Variants in NKAIN2 observed in about 807,000 individuals in gnomAD.
The protein encoded by NKAIN2 is sodium/potassium-transporting ATPase subunit beta-1-interacting protein 2.
A neutral mutation model predicts 32.6 loss-of-function variants in NKAIN2; 14 were observed. That is an observed-to-expected ratio of 0.43 (90% CI 0.28 to 0.67). The LOEUF (loss-of-function observed/expected upper bound fraction) is 0.67, where lower values mean the gene tolerates loss of function less well. NKAIN2 is among the 30% of genes least tolerant of loss of function. The probability of loss-of-function intolerance (pLI) is 0.17; values close to 1 mark genes in which losing one functional copy is unlikely to be tolerated. For missense variants in NKAIN2, 198 were observed against 258.3 expected (o/e 0.77, Z 1.60); for synonymous variants, 80 against 87.2 (o/e 0.92, Z 0.46).
chr6:123,912,389 A>G (rs895878145), intron 1 of NKAIN2, among the ~76,000 whole-genome samples: 1 of 152,186 alleles, frequency 6.6e-6, no homozygotes, highest in Non-Finnish European at 1.5e-5. Flanking sequence ...TAGCATTTAA[A>G]TCTGAGTCCA....
intron 3 of NKAIN2, among the ~76,000 whole-genome samples, chr6:124,594,571 T>C (rs895570506): frequency 4.6e-5 from 7 of 152,202 alleles, no homozygotes; most frequent in African/African-American, 1.7e-4. Flanking sequence ...AGTTGATTCC[T>C]GACTTACAGG....
intron 3 of NKAIN2, among the ~76,000 whole-genome samples, chr6:124,605,579 G>A (rs1782467750): frequency 6.6e-6 from 1 of 151,996 alleles, no homozygotes; most frequent in Non-Finnish European, 1.5e-5. Flanking sequence ...ATTAACAGAA[G>A]ATGGAATACA....
At chr6:124,561,421 T>C (rs1780686780) in intron 3 of NKAIN2, among the ~76,000 whole-genome samples, 1 of 152,158 alleles carries the variant, frequency 6.6e-6, no homozygotes, top group Admixed American at 6.5e-5. Flanking sequence ...TGAAGTGTCA[T>C]AGCATTTGAT....
chr6:124,374,615 C>T (rs142016794), intron 3 of NKAIN2, among the ~76,000 whole-genome samples: 1,765 of 152,150 alleles, frequency 0.012, 38 homozygotes, highest in African/African-American at 0.039. Flanking sequence ...TGGTTTCTTA[C>T]GCAACAAAGT....
intron 1 of NKAIN2, among the ~76,000 whole-genome samples, chr6:123,938,635 T>G (rs1334155229): frequency 1.4e-5 from 2 of 140,442 alleles, no homozygotes; most frequent in Non-Finnish European, 3.0e-5. Flanking sequence ...TTTTATATAT[T>G]ATATATAATT....
intron 3 of NKAIN2, among the ~76,000 whole-genome samples, chr6:124,525,062 G>T (rs539578134): frequency 6.6e-6 from 1 of 152,118 alleles, no homozygotes; most frequent in Non-Finnish European, 1.5e-5. Context: ...AAAAAGCCAA[G>T]CTTCTTTTTA....
chr6:124,228,382 C>T (rs1792233984), intron 1 of NKAIN2, among the ~76,000 whole-genome samples: 1 of 152,140 alleles, frequency 6.6e-6, no homozygotes, highest in South Asian at 2.1e-4. Context: ...CCTGGCCAGG[C>T]TGGCACCCTG....
chr6:124,632,979 T>C (rs547868325), intron 3 of NKAIN2, among the ~76,000 whole-genome samples: 7 of 152,340 alleles, frequency 4.6e-5, no homozygotes, highest in African/African-American at 1.7e-4. Flanking sequence ...AGGTCTTTTA[T>C]GGTGCTGGGT....
intron 1 of NKAIN2, among the ~76,000 whole-genome samples, chr6:124,141,617 T>C (rs899344535): frequency 6.6e-6 from 1 of 152,112 alleles, no homozygotes. Context: ...CCTATGAAAC[T>C]TCTGGGTTCA....
chr6:124,294,027 A>G (rs1231482616), intron 2 of NKAIN2, among the ~76,000 whole-genome samples: 2 of 152,112 alleles, frequency 1.3e-5, no homozygotes, highest in Non-Finnish European at 2.9e-5. Flanking sequence ...ATAGCACACT[A>G]CCTGAGATTG....
chr6:124,706,134 CCT>C (rs1346986546), intron 4 of NKAIN2, among the ~76,000 whole-genome samples: 23 of 152,168 alleles, frequency 1.5e-4, no homozygotes, highest in African/African-American at 5.3e-4. Context: ...TGTTCCAGTA[CCT>C]AGTACCTAGG....
At chr6:124,302,786 T>G (rs1231028447) in intron 2 of NKAIN2, among the ~76,000 whole-genome samples, 1 of 152,172 alleles carries the variant, frequency 6.6e-6, no homozygotes, top group Non-Finnish European at 1.5e-5. Flanking sequence ...CATCCATGTC[T>G]GACTCATGAA....
intron 1 of NKAIN2, among the ~76,000 whole-genome samples, chr6:123,861,514 C>A (rs1398747249): frequency 6.6e-6 from 1 of 152,148 alleles, no homozygotes; most frequent in Non-Finnish European, 1.5e-5. Context: ...AAAATAAGGG[C>A]AGATTTTTGT....
rs148361698 is a variant in NKAIN2 at position 124,296,374 on chromosome 6, A to G, written c.192+13232A>G. On this transcript the variant is annotated intron_variant, in intron 2 of 6. Transcript: ENST00000368417. ...TCTTTGATGACCTTATTCGATAGTT[A>G]TGGAAATTATTTTACATAACTGCTT... 5.5e-3 allele frequency among the ~76,000 whole-genome samples: 845 copies of G among 152,256 alleles called. 3 individuals are homozygous for G. The highest frequency in any genetic ancestry group is 9.4e-3 in the Non-Finnish European group (638 of 67,996).
chr6:124,806,280 C>A (rs1780554579), intron 5 of NKAIN2, among the ~76,000 whole-genome samples: 1 of 152,214 alleles, frequency 6.6e-6, no homozygotes, highest in South Asian at 2.1e-4. Flanking sequence ...ATCAGACTAA[C>A]AGCGGATCTC....
At chr6:124,285,234 T>C (rs1218905314) in intron 2 of NKAIN2, among the ~76,000 whole-genome samples, 3 of 152,182 alleles carry the variant, frequency 2.0e-5, no homozygotes, top group African/African-American at 7.2e-5. Context: ...TGATAAACTT[T>C]TTTTTCCAAC....
At chr6:124,416,717 G>A (rs1774503809) in intron 3 of NKAIN2, among the ~76,000 whole-genome samples, 1 of 152,132 alleles carries the variant, frequency 6.6e-6, no homozygotes, top group Non-Finnish European at 1.5e-5. Flanking sequence ...CCACTCAGCA[G>A]TGAAGAGGCA....
chr6:124,403,006 A>G (rs940869983), intron 3 of NKAIN2, among the ~76,000 whole-genome samples: 2 of 152,164 alleles, frequency 1.3e-5, no homozygotes, highest in African/African-American at 2.4e-5. Flanking sequence ...TGGTCCTTGC[A>G]TTGTCTATAA....
intron 3 of NKAIN2, among the ~76,000 whole-genome samples, chr6:124,538,694 T>C (rs1243166777): frequency 1.3e-5 from 2 of 152,142 alleles, no homozygotes; most frequent in African/African-American, 4.8e-5. Context: ...AAACTAATAA[T>C]TGTGTCCTTT....
Sources: allele counts gnomAD v4.1 joint callset (sites outside exome capture counted in the v4.1 genomes callset), GRCh38; gene constraint gnomAD v4.1.1; transcripts MANE v1.5; gene names NCBI Gene and HGNC (gene_info 2026-07-23, HGNC 2026-07-21).